The following NAALADL2 variants were observed in gnomAD, a reference collection of about 807,000 sequenced individuals.
NAALADL2 encodes the protein inactive N-acetylated-alpha-linked acidic dipeptidase-like protein 2.
In NAALADL2, 76 loss-of-function variants were observed where a neutral mutation model predicts 87.2. The observed-to-expected ratio is 0.87, with a 90% CI of 0.72 to 1.05. The LOEUF is 1.05. Ranked by LOEUF, NAALADL2 falls within the 50% of genes least tolerant of loss-of-function variation. The probability of loss-of-function intolerance (pLI) is 0.00; values close to 1 mark genes in which losing one functional copy is unlikely to be tolerated. For synonymous variants in NAALADL2, 354 were observed against 331.0 expected (o/e 1.07, Z -0.75); for missense variants, 1,089 against 945.8 (o/e 1.15, Z -1.99).
intron 2 of NAALADL2, among the ~76,000 whole-genome samples, chr3:174,714,956 T>G (rs2108929788): frequency 6.6e-6 from 1 of 152,288 alleles, no homozygotes; most frequent in East Asian, 1.9e-4. Flanking sequence ...GCTCTTATTA[T>G]TTTGAGATAT....
chr3:175,799,009 A>G (rs1753818650), intron 13 of NAALADL2, among the ~76,000 whole-genome samples: 1 of 152,088 alleles, frequency 6.6e-6, no homozygotes, highest in South Asian at 2.1e-4. Flanking sequence ...ATAATATACT[A>G]GTTGCAATGT....
intron 2 of NAALADL2, among the ~76,000 whole-genome samples, chr3:174,592,401 A>C (rs1394242313): frequency 2.6e-5 from 4 of 152,172 alleles, no homozygotes; most frequent in Non-Finnish European, 4.4e-5. Flanking sequence ...TATATCTCAA[A>C]GATGAGATAG....
chr3:175,261,025 A>G (rs1168198839), intron 4 of NAALADL2, among the ~76,000 whole-genome samples: 1 of 152,160 alleles, frequency 6.6e-6, no homozygotes, highest in East Asian at 1.9e-4. Context: ...CTGCAGAAAA[A>G]GCATCGACCA....
intron 6 of NAALADL2, among the ~76,000 whole-genome samples, chr3:175,460,818 G>C (rs1723003051): frequency 6.6e-6 from 1 of 152,174 alleles, no homozygotes; most frequent in Admixed American, 6.6e-5. Flanking sequence ...TGTTCCCAAA[G>C]AGGCAGGGTG....
chr3:174,996,578 ACTT>A (rs1395131892), intron 1 of NAALADL2, among the ~76,000 whole-genome samples: 1 of 151,966 alleles, frequency 6.6e-6, no homozygotes, highest in African/African-American at 2.4e-5. Flanking sequence ...TGCTGCTCCT[ACTT>A]CTTGAGTTGT....
At position 175,576,199 on chromosome 3, in the gene NAALADL2, TA is replaced by T; in HGVS notation, c.1800+18del. On this transcript the variant is annotated intron_variant, in intron 10 of 13. Transcript: ENST00000454872. ...TCAAAACATTAGAGGTGATTGTTCC[TA>T]AAAAATGCAAAACACACACACACAA... 6.2e-7 allele frequency: 1 copy of T among 1,607,842 alleles called. No individual in the cohort carries two copies.
intron 9 of NAALADL2, among the ~76,000 whole-genome samples, chr3:175,525,603 A>C (rs1393780454): frequency 6.6e-6 from 1 of 151,926 alleles, no homozygotes; most frequent in African/African-American, 2.4e-5. Flanking sequence ...TGTCAGATGC[A>C]TTTGAGGAAA....
chr3:175,437,765 G>T (rs1581885809), intron 5 of NAALADL2, among the ~76,000 whole-genome samples: 1 of 152,010 alleles, frequency 6.6e-6, no homozygotes, highest in Non-Finnish European at 1.5e-5. Flanking sequence ...ATAGATCAAT[G>T]TGTAGTACTT....
intron 12 of NAALADL2, 51 bp from the exon 13 acceptor site, chr3:175,755,169 T>C: frequency 6.7e-7 from 1 of 1,493,282 alleles, no homozygotes; most frequent in Non-Finnish European, 9.2e-7. Context: ...AATGCTTATT[T>C]TGCTCCCTTG....
intron 1 of NAALADL2, among the ~76,000 whole-genome samples, chr3:174,479,870 ATTATCTTGAGAATGGT>A (rs368628401): frequency 4.6e-5 from 7 of 152,216 alleles, no homozygotes; most frequent in African/African-American, 1.7e-4. Flanking sequence ...ACATTGGTGA[ATTATCTTGAGAATGGT>A]TTATCTTGGG....
chr3:174,617,910 A>G (rs375287835), intron 2 of NAALADL2, among the ~76,000 whole-genome samples: 1 of 151,756 alleles, frequency 6.6e-6, no homozygotes, highest in African/African-American at 2.4e-5. Flanking sequence ...AGATGGGAAT[A>G]CATGGTATGT....
Position 175,201,794 on chromosome 3 carries a change from A to G in NAALADL2, c.546-32137A>G, listed in dbSNP as rs1227348027. On this transcript the variant is annotated intron_variant, in intron 2 of 13. Transcript: ENST00000454872. ...TATTCAATTGAGGGTACTTATTTGG[A>G]AAAAAAAAAAAAACAAATTTGCAAA... Among the ~76,000 whole-genome samples, 6 of 52,456 alleles carry G rather than the reference A, an allele frequency of 1.1e-4. No individual in the cohort carries two copies. The East Asian group carries it at 4.1e-3, about 36-fold the overall frequency. 34.4% of individuals were successfully genotyped at this position (52,456 alleles called of 152,430 possible).
In NAALADL2 at chr3:174,718,138, A is replaced by G. The variant is rs568313764; in HGVS notation, c.-114-19503A>G. On this transcript the variant is annotated intron_variant, in intron 2 of 3. Coordinates refer to the NAALADL2 transcript ENST00000434257. ...AAACAAACAAACAAACAAACAAAAAATGAAACAAAAAGGAAATCTCCTCCT... is the reference window on the plus strand; with the variant it reads ...AAACAAACAAACAAACAAACAAAAAGTGAAACAAAAAGGAAATCTCCTCCT... Among the ~76,000 whole-genome samples, 6 of 152,302 alleles carry G rather than the reference A, an allele frequency of 3.9e-5. No homozygotes were observed. The East Asian group carries it at 5.8e-4, about 15-fold the overall frequency.
At chr3:174,784,668 T>C (rs1286795874) in intron 3 of NAALADL2, among the ~76,000 whole-genome samples, 1 of 152,206 alleles carries the variant, frequency 6.6e-6, no homozygotes, top group Non-Finnish European at 1.5e-5. Context: ...GAAGGTCTAA[T>C]AGTAGAGAAT....
chr3:174,603,494 C>T (rs1483326582), intron 2 of NAALADL2, among the ~76,000 whole-genome samples: 4 of 151,824 alleles, frequency 2.6e-5, no homozygotes, highest in East Asian at 1.9e-4. Context: ...TGGGCCTTCT[C>T]TCTTTTTTTC....
At chr3:174,991,620 G>A (rs1746764051) in intron 1 of NAALADL2, among the ~76,000 whole-genome samples, 1 of 152,036 alleles carries the variant, frequency 6.6e-6, no homozygotes, top group South Asian at 2.1e-4. Context: ...AAAGGAGAAA[G>A]AAGCCAGAAG....
chr3:175,287,963 ATTTG>A (rs764876512), intron 4 of NAALADL2, among the ~76,000 whole-genome samples: 23 of 152,188 alleles, frequency 1.5e-4, no homozygotes, highest in East Asian at 1.9e-4. Context: ...CTCTCTAATT[ATTTG>A]TTTATTTCAC....
At chr3:175,011,890 G>C (rs942896648) in intron 1 of NAALADL2, among the ~76,000 whole-genome samples, 1 of 152,116 alleles carries the variant, frequency 6.6e-6, no homozygotes, top group Admixed American at 6.6e-5. Context: ...ATAAAATTAA[G>C]TAGTATTATA....
At chr3:175,306,821 G>T (rs925466741) in intron 4 of NAALADL2, among the ~76,000 whole-genome samples, 3 of 152,110 alleles carry the variant, frequency 2.0e-5, no homozygotes, top group African/African-American at 7.2e-5. Flanking sequence ...ACTCCAACCT[G>T]GAAGTCCAGA....
Sources: gnomAD v4.1 joint callset for allele counts (sites outside exome capture counted in the v4.1 genomes callset) on GRCh38, gnomAD v4.1.1 for gene constraint, MANE v1.5 for transcripts, NCBI Gene and HGNC (gene_info 2026-07-23, HGNC 2026-07-21) for gene names.